GUF1: variants seen among roughly 807,000 people sequenced by gnomAD.
GUF1 encodes the protein GTP binding elongation factor GUF1, also known as translation factor GUF1, mitochondrial.
Under a neutral mutation model 82.4 loss-of-function variants are expected in GUF1, and 78 were observed. The observed-to-expected ratio is 0.95, with a 90% CI of 0.79 to 1.14. GUF1 has a LOEUF of 1.14. GUF1 is among the 50% of genes most tolerant of loss of function. GUF1 has a pLI of 0.00. For missense variants in GUF1, 814 were observed against 798.2 expected (o/e 1.02, Z -0.24); for synonymous variants, 279 against 282.3 (o/e 0.99, Z 0.12).
chr4:44,686,385 T>G, intron 7 of GUF1, 125 bp from the exon 8 acceptor site: 1 of 529,120 alleles, frequency 1.9e-6, no homozygotes, highest in Non-Finnish European at 3.2e-6. Context: ...AAAGGTCTTT[T>G]TATTTAGGCT....
chr4:44,697,797 G>GA (rs1447779557), intron 16 of GUF1, among the ~76,000 whole-genome samples: 1 of 152,056 alleles, frequency 6.6e-6, no homozygotes, highest in African/African-American at 2.4e-5. Context: ...TCTTACAGTT[G>GA]AAGTCTACCT....
At chr4:44,693,945 A>G in intron 13 of GUF1, 1 of 166,056 alleles carries the variant, frequency 6.0e-6, no homozygotes, top group South Asian at 1.7e-4. Context: ...AGAGCCAAAT[A>G]GGAAATCCAA....
At chr4:44,686,398 T>C in intron 7 of GUF1, 112 bp from the exon 8 acceptor site, 1 of 585,020 alleles carries the variant, frequency 1.7e-6, no homozygotes, top group Non-Finnish European at 2.8e-6. Context: ...TTTAGGCTGT[T>C]GTGTATCAAA....
At chr4:44,694,814 TG>T (rs1431975880) in intron 14 of GUF1, among the ~76,000 whole-genome samples, 1 of 149,888 alleles carries the variant, frequency 6.7e-6, no homozygotes. Flanking sequence ...TGTTTTGTTT[TG>T]TTTTTTTTTT....
At position 44,691,657 on chromosome 4, in the gene GUF1, C is replaced by T. The variant is rs745697641; in HGVS notation, c.1480-9C>T. 1 of 1,582,826 alleles carries T rather than the reference C, an allele frequency of 6.3e-7. No homozygotes were observed. The highest frequency in any genetic ancestry group is 8.6e-7 in the Non-Finnish European group (1 of 1,162,402). ...ATCATTAAACCCATTTTCTTCCTTC[C>T]CTTTTTAGGCTCGAAGAGCAGTTCA... On this transcript the variant is annotated splice_polypyrimidine_tract_variant and intron_variant, in intron 12 of 16. Transcript: ENST00000281543.
At position 44,681,103 on chromosome 4, in the gene GUF1, T is replaced by C; in HGVS notation, c.427-20T>C. 1.3e-6 allele frequency: 2 copies of C among 1,586,276 alleles called. No homozygotes were observed. Among genetic ancestry groups the C allele is most frequent in the Non-Finnish European group, 1.7e-6 (2 of 1,155,302 alleles). ...AAAAATTAACTCACATTTACAGGTA[T>C]CAATATTTTTGTTTCTCAGGGCCAT... On this transcript the variant is annotated intron_variant, in intron 3 of 16. Transcript: ENST00000281543.
At position 44,690,864 on chromosome 4, in the gene GUF1, T is replaced by A; in HGVS notation, c.1479+4T>A. On this transcript the variant is annotated splice_donor_region_variant and intron_variant, in intron 12 of 16. Transcript: ENST00000281543. ...AAAAATAATGATGCTTTGCGAGGTA[T>A]AACTATAATACAATTTAATACAAAA... 3.1e-6 allele frequency: 5 copies of A among 1,590,784 alleles called. No individual in the cohort carries two copies. The highest frequency in any genetic ancestry group is 2.6e-6 in the Non-Finnish European group (3 of 1,168,086).
At chr4:44,688,307 A>G (rs1293489294) in intron 9 of GUF1, among the ~76,000 whole-genome samples, 161 bp downstream of exon 9, 2 of 151,908 alleles carry the variant, frequency 1.3e-5, no homozygotes, top group African/African-American at 4.8e-5. Context: ...ATAATTACAT[A>G]TGTGTGATGA....
At chr4:44,680,416 TA>T in intron 1 of GUF1, 24 bp from the exon 2 acceptor site, 1 of 1,146,966 alleles carries the variant, frequency 8.7e-7, no homozygotes, top group Non-Finnish European at 1.3e-6. Flanking sequence ...TTTATACTCC[TA>T]AATGTGGTAT....
chr4:44,690,714 T>C lies in GUF1; in HGVS notation c.1336-3T>C. 1 of 1,510,420 alleles carries C rather than the reference T, an allele frequency of 6.6e-7. No individual in the cohort carries two copies. Among genetic ancestry groups the C allele is most frequent in the Non-Finnish European group, 9.0e-7 (1 of 1,105,996 alleles). The allele number at this position is 1,510,420 out of a possible 1,614,324, so 93.6% of individuals were successfully genotyped here. On this transcript the variant is annotated splice_polypyrimidine_tract_variant and splice_region_variant and intron_variant, in intron 11 of 16. Transcript: ENST00000281543. ...AAGTATTGCTGATTTTTCTAATTTT[T>C]AGGAACATAGAGAAAAAGAAATTAC...
rs1260615195 is a variant in GUF1 at position 44,678,511 on chromosome 4, G to C, written c.-112G>C. 2.4e-6 allele frequency: 2 copies of C among 837,210 alleles called. No homozygotes were observed. Among genetic ancestry groups the C allele is most frequent in the Middle Eastern group, 3.8e-4 (1 of 2,648 alleles). The allele number at this position is 837,210 out of a possible 1,614,324, so 51.9% of individuals were successfully genotyped here. On this transcript the variant is annotated 5_prime_UTR_variant, in exon 1 of 17. Transcript: ENST00000281543. ...GGGGTTCATTGTCTTCGCTTCACAGGATCTGTTTGAGTCCTGTCCACCGGA... is the reference window on the plus strand; with the variant it reads ...GGGGTTCATTGTCTTCGCTTCACAGCATCTGTTTGAGTCCTGTCCACCGGA...
intron 1 of GUF1, among the ~76,000 whole-genome samples, chr4:44,678,998 G>A (rs1714614079): frequency 1.3e-5 from 2 of 152,174 alleles, no homozygotes; most frequent in African/African-American, 4.8e-5. Flanking sequence ...TAACTTTGTA[G>A]GTTTTCTCAT....
intron 15 of GUF1, among the ~76,000 whole-genome samples, chr4:44,696,638 T>G (rs1008375702): frequency 6.6e-6 from 1 of 152,208 alleles, no homozygotes; most frequent in Non-Finnish European, 1.5e-5. Flanking sequence ...ACCATCATGT[T>G]AATATAGACT....
intron 15 of GUF1, 117 bp downstream of exon 15, chr4:44,695,851 C>A: frequency 3.0e-6 from 3 of 1,005,246 alleles, no homozygotes; most frequent in Non-Finnish European, 2.9e-6. Flanking sequence ...CTTGTAGAAA[C>A]AGTATGATGG....
Position 44,694,395 on chromosome 4 carries a change from G to A in GUF1, c.1614-17G>A. ...CAGGAAGTGTAATATTTATCACTTGGACTTTTTTCCTTTTAGTTTTGATTA... is the reference window on the plus strand; with the variant it reads ...CAGGAAGTGTAATATTTATCACTTGAACTTTTTTCCTTTTAGTTTTGATTA... On this transcript the variant is annotated splice_polypyrimidine_tract_variant and intron_variant, in intron 13 of 16. Coordinates refer to ENST00000281543, the MANE Select transcript of GUF1 (RefSeq NM_021927.3). The A allele has an allele frequency of 6.7e-7, 1 of 1,497,388 alleles. No individual in the cohort carries two copies. Among genetic ancestry groups the A allele is most frequent in the Non-Finnish European group, 9.3e-7 (1 of 1,074,658 alleles). The allele number at this position is 1,497,388 out of a possible 1,614,324, so 92.8% of individuals were successfully genotyped here. A position where few individuals can be genotyped will look rare whatever the true frequency, so the allele number is the denominator to read the frequency against.
At chr4:44,685,887 TCA>T in intron 6 of GUF1, 70 bp from the exon 7 acceptor site, 1 of 1,002,574 alleles carries the variant, frequency 1.0e-6, no homozygotes, top group Non-Finnish European at 1.5e-6. Context: ...TGATCATAAG[TCA>T]CAGGTCATCA....
intron 5 of GUF1, 47 bp from the exon 6 acceptor site, chr4:44,683,188 C>A: frequency 2.6e-6 from 3 of 1,157,820 alleles, no homozygotes; most frequent in East Asian, 2.5e-5. Flanking sequence ...ATACATAATA[C>A]ATCTTATCTT....
Position 44,678,517 on chromosome 4 carries a change from T to C in GUF1, c.-106T>C, listed in dbSNP as rs1479097552. On this transcript the variant is annotated 5_prime_UTR_variant, in exon 1 of 17. Transcript: ENST00000281543. ...CATTGTCTTCGCTTCACAGGATCTG[T>C]TTGAGTCCTGTCCACCGGATCCTAC... 1 of 908,974 alleles carries C rather than the reference T, an allele frequency of 1.1e-6. No individual in the cohort carries two copies. Among genetic ancestry groups the C allele is most frequent in the Non-Finnish European group, 1.5e-6 (1 of 652,800 alleles). The allele number at this position is 908,974 out of a possible 1,614,324, so 56.3% of individuals were successfully genotyped here.
chr4:44,680,351 C>A, intron 1 of GUF1, 90 bp from the exon 2 acceptor site: 1 of 594,276 alleles, frequency 1.7e-6, no homozygotes, highest in South Asian at 2.5e-5. Context: ...TGATATTGTT[C>A]AACGATTAAA....
Sources: gnomAD v4.1 joint callset for allele counts (sites outside exome capture counted in the v4.1 genomes callset) on GRCh38, gnomAD v4.1.1 for gene constraint, MANE v1.5 for transcripts, NCBI Gene and HGNC (gene_info 2026-07-23, HGNC 2026-07-21) for gene names.